FRMD4A: variants seen among roughly 807,000 people sequenced by gnomAD.
FRMD4A encodes FERM domain containing 4A, also known as FERM domain-containing protein 4A.
Under a neutral mutation model 129.1 loss-of-function variants are expected in FRMD4A, and 29 were observed. The observed-to-expected ratio is 0.22, with a 90% CI of 0.17 to 0.31. The LOEUF (loss-of-function observed/expected upper bound fraction) is 0.31. Among genes scored for constraint, FRMD4A ranks in the 10% least tolerant of loss-of-function variants. FRMD4A has a pLI of 1.00. For missense variants in FRMD4A, 1,272 were observed against 1,375.8 expected, an observed-to-expected ratio of 0.92 and a Z score of 1.19; for synonymous variants, 634 against 571.6, an observed-to-expected ratio of 1.11 and a Z score of -1.56.
intron 2 of FRMD4A, among the ~76,000 whole-genome samples, chr10:14,001,657 CG>C (rs1321154543): frequency 2.0e-5 from 3 of 152,166 alleles, no homozygotes; most frequent in Non-Finnish European, 4.4e-5. Flanking sequence ...TAAAATTGCA[CG>C]GGCCTAACCA....
At chr10:13,652,936 T>TGGGGAAA (rs1000762139) in intron 23 of FRMD4A, 1 of 151,806 alleles carries the variant, frequency 6.6e-6, no homozygotes, top group African/African-American at 2.4e-5. Context: ...ACCGGTATAG[T>TGGGGAAA]GGGGAAAGAC....
At chr10:14,172,302 G>A (rs1222994623) in intron 2 of FRMD4A, among the ~76,000 whole-genome samples, 2 of 152,102 alleles carry the variant, frequency 1.3e-5, no homozygotes, top group Non-Finnish European at 2.9e-5. Context: ...GGTAGGACCC[G>A]AACCCCACAG....
chr10:14,060,538 A>G (rs572781351), intron 2 of FRMD4A, among the ~76,000 whole-genome samples: 1 of 152,312 alleles, frequency 6.6e-6, no homozygotes, highest in East Asian at 1.9e-4. Flanking sequence ...TCTTCAGTAG[A>G]AGGCATTTTC....
intron 3 of FRMD4A, among the ~76,000 whole-genome samples, chr10:13,814,266 C>G (rs1360087976): frequency 1.3e-5 from 2 of 152,016 alleles, no homozygotes; most frequent in African/African-American, 4.8e-5. Flanking sequence ...AACTTGAAAA[C>G]AATAAAAATA....
intron 2 of FRMD4A, among the ~76,000 whole-genome samples, chr10:14,119,539 C>G (rs372001435): frequency 6.6e-6 from 1 of 152,172 alleles, no homozygotes; most frequent in Admixed American, 6.5e-5. Flanking sequence ...GATCAGGGAG[C>G]AGTAGTGAGG....
chr10:14,047,860 C>T lies in FRMD4A; in HGVS notation c.46-188948G>A, dbSNP rs534070411. ...GAGTGGAGTCAGAATTGTGTCATTG[C>T]GCTTCCCAGCTGCAGGGCCTGTGTA... On this transcript the variant is annotated intron_variant, in intron 2 of 24. Coordinates refer to ENST00000357447, the MANE Select transcript of FRMD4A (RefSeq NM_018027.5). Among the ~76,000 whole-genome samples the T allele has an allele frequency of 8.5e-5, 13 of 152,252 alleles. No homozygotes were observed. In the South Asian group the frequency reaches 1.7e-3, roughly 19 times the overall value.
chr10:13,953,572 C>G (rs1450234497), intron 2 of FRMD4A, among the ~76,000 whole-genome samples: 1 of 152,208 alleles, frequency 6.6e-6, no homozygotes, highest in East Asian at 1.9e-4. Flanking sequence ...GTCCACATTA[C>G]TCACCCACTA....
At chr10:13,884,240 A>ACTCACACACACACACACACACACACC (rs1449734294) in intron 2 of FRMD4A, among the ~76,000 whole-genome samples, 1 of 135,176 alleles carries the variant, frequency 7.4e-6, no homozygotes, top group East Asian at 2.6e-4. Flanking sequence ...ACACACACAC[A>ACTCACACACACACACACACACACACC]CTCCCTAAAA....
chr10:13,643,790 A>T lies in FRMD4A; in HGVS notation c.*3248T>A, dbSNP rs1319792107. On this transcript the variant is annotated 3_prime_UTR_variant, in exon 25 of 25. Transcript: ENST00000357447. ...GGTACTATACAAATTCTTAATACAA[A>T]AAGAATAAATTAAAAGCAGATTTCT... 1 of 152,684 alleles carries T rather than the reference A, an allele frequency of 6.5e-6. No individual in the cohort carries two copies. The highest frequency in any genetic ancestry group is 1.5e-5 in the Non-Finnish European group (1 of 68,044). 9.5% of individuals were successfully genotyped at this position (152,684 alleles called of 1,614,324 possible).
intron 2 of FRMD4A, among the ~76,000 whole-genome samples, chr10:13,922,402 C>T (rs987782300): frequency 6.6e-6 from 1 of 152,048 alleles, no homozygotes; most frequent in Non-Finnish European, 1.5e-5. Context: ...TGATCTTATA[C>T]AGCCAGAAAA....
At chr10:13,679,389 T>C (rs1589332616) in intron 15 of FRMD4A, among the ~76,000 whole-genome samples, 1 of 118,542 alleles carries the variant, frequency 8.4e-6, no homozygotes, top group African/African-American at 3.3e-5. Flanking sequence ...ATTGGTCCAC[T>C]GCACCACAGC....
At chr10:14,279,626 T>C (rs539215611) in intron 2 of FRMD4A, among the ~76,000 whole-genome samples, 1 of 152,230 alleles carries the variant, frequency 6.6e-6, no homozygotes, top group Non-Finnish European at 1.5e-5. Context: ...TTACCTTAAT[T>C]GTGATTTGGA....
chr10:14,155,680 T>C (rs1840561121), intron 2 of FRMD4A, among the ~76,000 whole-genome samples: 1 of 152,210 alleles, frequency 6.6e-6, no homozygotes, highest in East Asian at 1.9e-4. Flanking sequence ...GGCTCTGAGA[T>C]ATTGGGATAA....
At chr10:14,166,559 T>G (rs1338975421) in intron 2 of FRMD4A, among the ~76,000 whole-genome samples, 1 of 152,218 alleles carries the variant, frequency 6.6e-6, no homozygotes, top group Non-Finnish European at 1.5e-5. Context: ...CAAATGGAAG[T>G]CAGGGATAGC....
intron 2 of FRMD4A, among the ~76,000 whole-genome samples, chr10:14,185,711 C>G (rs548011850): frequency 6.6e-6 from 1 of 152,156 alleles, no homozygotes. Flanking sequence ...GTGGCACCTT[C>G]AGTAGTTCTA....
At chr10:14,020,252 C>A (rs1380375213) in intron 2 of FRMD4A, among the ~76,000 whole-genome samples, 4 of 152,188 alleles carry the variant, frequency 2.6e-5, no homozygotes, top group Non-Finnish European at 5.9e-5. Flanking sequence ...CAGAGACGCC[C>A]CAGAGTGATG....
intron 2 of FRMD4A, among the ~76,000 whole-genome samples, chr10:13,990,823 CCTCA>C (rs1394377672): frequency 6.6e-6 from 1 of 152,182 alleles, no homozygotes; most frequent in African/African-American, 2.4e-5. Flanking sequence ...ACCCTGGAAG[CCTCA>C]CTGTCTCTCA....
intron 8 of FRMD4A, among the ~76,000 whole-genome samples, chr10:13,760,616 A>T (rs2092031683): frequency 6.6e-6 from 1 of 152,200 alleles, no homozygotes; most frequent in Non-Finnish European, 1.5e-5. Flanking sequence ...AACCAGTGAC[A>T]AAGACAGCCA....
At chr10:13,884,235 CACACA>C (rs1411385578) in intron 2 of FRMD4A, among the ~76,000 whole-genome samples, 98 of 150,126 alleles carry the variant, frequency 6.5e-4, no homozygotes, top group Middle Eastern at 3.4e-3. Context: ...CACACACACA[CACACA>C]CTCCCTAAAA....
Sources: gnomAD v4.1 joint callset for allele counts (sites outside exome capture counted in the v4.1 genomes callset) on GRCh38, gnomAD v4.1.1 for gene constraint, MANE v1.5 for transcripts, NCBI Gene and HGNC (gene_info 2026-07-23, HGNC 2026-07-21) for gene names.